The following TULP1 variants were observed in gnomAD, a reference collection of about 807,000 sequenced individuals.
TULP1 encodes TUB like protein 1, also known as tubby-related protein 1.
In TULP1, 50 loss-of-function variants were observed where a neutral mutation model predicts 67.1. The ratio of observed to expected loss-of-function variants is 0.75; its 90% CI spans 0.59 to 0.94. The LOEUF is 0.94. Among genes scored for constraint, TULP1 ranks in the 40% least tolerant of loss-of-function variants. The pLI is 0.00. For synonymous variants in TULP1, 297 were observed against 294.0 expected (o/e 1.01, Z -0.11); for missense variants, 746 against 734.1 (o/e 1.02, Z -0.19).
rs1761026908 is a variant in TULP1, at chr6:35,503,889, C to G, written c.1113-41G>C. ...AGCTTGGGGTGGGGCTGAGGGGATCCTACATCCCTGCCCCAGGCCCCTTCC... is the reference window on the plus strand; with the variant it reads ...AGCTTGGGGTGGGGCTGAGGGGATCGTACATCCCTGCCCCAGGCCCCTTCC... On this transcript the variant is annotated intron_variant, in intron 11 of 14. Coordinates refer to ENST00000229771, the MANE Select transcript of TULP1 (RefSeq NM_003322.6). The surrounding 1 kb of genome is among the most constrained non-coding windows in gnomAD (Gnocchi z 4.0). The G allele has an allele frequency of 6.7e-7, 1 of 1,487,552 alleles. No individual in the cohort carries two copies. Among genetic ancestry groups the G allele is most frequent in the Non-Finnish European group, 9.2e-7 (1 of 1,090,584 alleles). 92.1% of individuals were successfully genotyped at this position (1,487,552 alleles called of 1,614,324 possible).
chr6:35,505,478 G>T, intron 11 of TULP1: 2 of 939,008 alleles, frequency 2.1e-6, no homozygotes, highest in Non-Finnish European at 3.2e-6. Flanking sequence ...CCTGCTCCAA[G>T]TGAGGCCCTG....
Position 35,509,924 on chromosome 6 carries a change from G to A in TULP1, c.504C>T (p.Asp168=), listed in dbSNP as rs1761163191. Residue 168 remains aspartate (D), a synonymous_variant, in exon 6 of 15, where the codon GAC becomes GAT. Coordinates refer to ENST00000229771, the MANE Select transcript of TULP1 (RefSeq NM_003322.6). ...RRAKAQGPRG[D]LGSPDPPPKP... is the part of the protein sequence containing the mutation. ...TCGGTGGGGGGTCAGGGCTTCCCAG[G>A]TCTCCTGGAAATGGAAGATGGGGGT... The A allele has an allele frequency of 2.5e-6, 4 of 1,613,704 alleles. No individual in the cohort carries two copies. Among genetic ancestry groups the A allele is most frequent in the African/African-American group, 1.3e-5 (1 of 74,998 alleles).
chr6:35,502,514 GAC>G (rs1365776391), intron 13 of TULP1, among the ~76,000 whole-genome samples: 1 of 150,734 alleles, frequency 6.6e-6, no homozygotes, highest in Non-Finnish European at 1.5e-5. Flanking sequence ...TAATTTTTGA[GAC>G]AGAGTGTCGC....
At chr6:35,508,927 G>A (rs1761133418) in intron 8 of TULP1, among the ~76,000 whole-genome samples, 3 of 152,102 alleles carry the variant, frequency 2.0e-5, no homozygotes, top group African/African-American at 7.2e-5. Flanking sequence ...GGGGGCGTGG[G>A]GACATCTCTG....
intron 3 of TULP1, 155 bp from the exon 4 acceptor site, chr6:35,511,961 G>T: frequency 1.1e-6 from 1 of 918,604 alleles, no homozygotes; most frequent in Non-Finnish European, 1.6e-6. Flanking sequence ...ACTTCTCCCC[G>T]GCTTCCATTC....
Position 35,498,595 on chromosome 6 carries a change from C to G in TULP1, c.1496-135G>C. ...ACCCTCAGCCACCATCTCAGTTACTCAACACCCATCCCTTCTTCTATCTCA... is the reference window on the plus strand; with the variant it reads ...ACCCTCAGCCACCATCTCAGTTACTGAACACCCATCCCTTCTTCTATCTCA... On this transcript the variant is annotated intron_variant, in intron 14 of 14. Transcript: ENST00000229771. The surrounding 1 kb of genome is among the most constrained non-coding windows in gnomAD (Gnocchi z 6.7). The G allele has an allele frequency of 7.5e-7, 1 of 1,324,872 alleles. No individual in the cohort carries two copies. The highest frequency in any genetic ancestry group is 2.5e-5 in the East Asian group (1 of 40,190). The allele number at this position is 1,324,872 out of a possible 1,614,324, so 82.1% of individuals were successfully genotyped here. A position where few individuals can be genotyped will look rare whatever the true frequency, so the allele number is the denominator to read the frequency against.
intron 2 of TULP1, 42 bp downstream of exon 2, chr6:35,512,597 C>T (rs2150929027): frequency 6.2e-7 from 1 of 1,613,684 alleles, no homozygotes; most frequent in Non-Finnish European, 8.5e-7. Flanking sequence ...TTACGCACAG[C>T]GGGGACATCT....
intron 11 of TULP1, chr6:35,504,179 C>A (rs192283534): frequency 3.3e-6 from 1 of 303,998 alleles, no homozygotes; most frequent in Non-Finnish European, 6.4e-6. Context: ...CTCTGCCCCC[C>A]ACCTGCCAAA....
intron 13 of TULP1, among the ~76,000 whole-genome samples, chr6:35,501,323 G>A (rs996814311): frequency 6.6e-6 from 1 of 152,028 alleles, no homozygotes; most frequent in African/African-American, 2.4e-5. Context: ...GCAACAAAGT[G>A]AGACCCTGGC....
At chr6:35,506,721 T>A (rs191007288) in intron 8 of TULP1, among the ~76,000 whole-genome samples, 3 of 152,278 alleles carry the variant, frequency 2.0e-5, no homozygotes, top group Admixed American at 2.0e-4. Flanking sequence ...ATGAAGAAAC[T>A]GAGGCTTAGA....
intron 3 of TULP1, 43 bp downstream of exon 3, chr6:35,512,137 G>A: frequency 8.3e-7 from 1 of 1,202,010 alleles, no homozygotes; most frequent in Non-Finnish European, 1.1e-6. Context: ...CCCTTCCGCA[G>A]CCCACACCCT....
Position 35,500,960 on chromosome 6 carries a change from G to GC in TULP1, c.1324-809dup, listed in dbSNP as rs558009878. Among the ~76,000 whole-genome samples, 7 of 152,322 alleles carry GC rather than the reference G, an allele frequency of 4.6e-5. No homozygotes were observed. The South Asian group carries it at 1.2e-3, about 27-fold the overall frequency. Reference sequence around the variant, plus strand: ...CCCATGACTGGTGCCCTGCAGATCAGCCTGGGCCGTGACTTTCCAGCAGGG... The same window carrying GC: ...CCCATGACTGGTGCCCTGCAGATCAGCCCTGGGCCGTGACTTTCCAGCAGGG... On this transcript the variant is annotated intron_variant, in intron 13 of 14. Coordinates refer to ENST00000229771, the MANE Select transcript of TULP1 (RefSeq NM_003322.6).
At position 35,506,178 on chromosome 6, in the gene TULP1, G is replaced by A. The variant is rs757001153; in HGVS notation, c.829-5C>T. ...AGACGGGGCCCTCTCCTCCTTCTGGGTGGGGGCAGAGGGTACATCAGCCCC... is the reference window on the plus strand; with the variant it reads ...AGACGGGGCCCTCTCCTCCTTCTGGATGGGGGCAGAGGGTACATCAGCCCC... On this transcript the variant is annotated splice_polypyrimidine_tract_variant and splice_region_variant and intron_variant, in intron 9 of 14. Transcript: ENST00000229771. 1.9e-6 allele frequency: 3 copies of A among 1,613,470 alleles called. No individual in the cohort carries two copies. In the African/African-American group the frequency reaches 4.0e-5, roughly 22 times the overall value.
intron 14 of TULP1, among the ~76,000 whole-genome samples, chr6:35,499,518 G>C (rs1243634235): frequency 2.0e-5 from 3 of 152,206 alleles, no homozygotes; most frequent in African/African-American, 7.2e-5. Flanking sequence ...AACAGTGCCT[G>C]GCACATAGTA....
rs533734109 is a variant in TULP1, at chr6:35,499,991, G to A, written c.1485C>T (p.His495=). 5.6e-6 allele frequency: 9 copies of A among 1,614,082 alleles called. No homozygotes were observed. Among genetic ancestry groups the A allele is most frequent in the African/African-American group, 4.0e-5 (3 of 75,048 alleles). Reference sequence around the variant, plus strand: ...CCCTCAGGTACTCACGGTCATCAGCGTGGACAATCTGGAAGTTCTTGACTG... The same window carrying A: ...CCCTCAGGTACTCACGGTCATCAGCATGGACAATCTGGAAGTTCTTGACTG... ...QASVKNFQIV[H]ADDPDYIVLQ... is the part of the protein sequence containing the mutation. The change falls in exon 14 of 15, where the codon CAC becomes CAT. Residue 495 remains histidine, a synonymous_variant. Coordinates refer to ENST00000229771, the MANE Select transcript of TULP1 (RefSeq NM_003322.6).
At position 35,505,822 on chromosome 6, in the gene TULP1, C is replaced by CT; in HGVS notation, c.1030_1031insA (p.Arg344GlnfsTer40). ...GATGAGGTAATTGGCTGTCTTGCTCCGTTTTCGTTTCCTGCCAGCCAAGAG... is the reference window on the plus strand; with the variant it reads ...GATGAGGTAATTGGCTGTCTTGCTCCTGTTTTCGTTTCCTGCCAGCCAAGAG... On this transcript the variant is annotated frameshift_variant, in exon 11 of 15. Coordinates refer to ENST00000229771, the MANE Select transcript of TULP1 (RefSeq NM_003322.6). LOFTEE classifies it high-confidence loss of function. 6.2e-7 allele frequency: 1 copy of CT among 1,614,170 alleles called. No homozygotes were observed. The highest frequency in any genetic ancestry group is 8.5e-7 in the Non-Finnish European group (1 of 1,180,034).
chr6:35,512,091 G>A (rs1217530187), intron 3 of TULP1, 89 bp downstream of exon 3: 3 of 675,590 alleles, frequency 4.4e-6, no homozygotes, highest in Admixed American at 4.3e-5. Context: ...CCCCGTTCCA[G>A]GGCTCGGCGA....
Position 35,512,831 on chromosome 6 carries a change from C to G in TULP1, c.28G>C (p.Glu10Gln), listed in dbSNP as rs368315442. 2.6e-5 allele frequency: 42 copies of G among 1,612,924 alleles called. No individual in the cohort carries two copies. The highest frequency in any genetic ancestry group is 3.2e-5 in the Non-Finnish European group (38 of 1,179,914). The change falls in exon 1 of 15, where the codon GAG becomes CAG. Residue 10 changes from glutamate to glutamine, a missense_variant. Around this residue, in one of 3 missense-constraint regions of TULP1, gnomAD observed 359 missense variants for 341.9 expected, o/e 1.05. Coordinates refer to ENST00000229771, the MANE Select transcript of TULP1 (RefSeq NM_003322.6). ...CCAGACCTGTCAGAGGCCCACACCT[C>G]TCGGAGGGTTTCATCCCGCAGAGGC... is the stretch of plus-strand genomic sequence containing the variant. MPLRDETLREVWASDSGHEE... is the reference protein window; with the variant it reads MPLRDETLRQVWASDSGHEE...
rs1000534213 is a variant in TULP1 at position 35,503,306 on chromosome 6, T to C, written c.1323+253A>G. On this transcript the variant is annotated intron_variant, in intron 13 of 14. Transcript: ENST00000229771. The surrounding 1 kb of genome is among the most constrained non-coding windows in gnomAD (Gnocchi z 4.0). Reference sequence around the variant, plus strand: ...GCCTAGGATAATACTTGGCACTCAATATGTGTGGTCAATGAAGATATGAAT... The same window carrying C: ...GCCTAGGATAATACTTGGCACTCAACATGTGTGGTCAATGAAGATATGAAT... 54 of 505,076 alleles carry C rather than the reference T, an allele frequency of 1.1e-4. No individual in the cohort carries two copies. The highest frequency in any genetic ancestry group is 1.1e-4 in the Non-Finnish European group (30 of 276,752). The allele number at this position is 505,076 out of a possible 1,614,324, so 31.3% of individuals were successfully genotyped here. A position where few individuals can be genotyped will look rare whatever the true frequency, so the allele number is the denominator to read the frequency against.
Sources: allele counts gnomAD v4.1 joint callset (sites outside exome capture counted in the v4.1 genomes callset), GRCh38; gene constraint gnomAD v4.1.1; regional missense constraint gnomAD v4.1.1; non-coding constraint Gnocchi (gnomAD v3.1); transcripts MANE v1.5; gene names NCBI Gene and HGNC (gene_info 2026-07-23, HGNC 2026-07-21).